ITPRID1: variants seen among roughly 807,000 people sequenced by gnomAD.
ITPRID1 encodes the protein ITPR interacting domain containing 1.
Under a neutral mutation model 95.4 loss-of-function variants are expected in ITPRID1, and 96 were observed. The observed-to-expected ratio is 1.01, with a 90% CI of 0.85 to 1.19. ITPRID1 has a LOEUF of 1.19. Among genes scored for constraint, ITPRID1 ranks in the 50% most tolerant of loss-of-function variants. The pLI is 0.00. For synonymous variants in ITPRID1, 510 were observed against 453.6 expected, an observed-to-expected ratio of 1.12 and a Z score of -1.58; for missense variants, 1,339 against 1,252.9, an observed-to-expected ratio of 1.07 and a Z score of -1.04.
At chr7:31,594,115 C>T (rs1265205588) in intron 10 of ITPRID1, among the ~76,000 whole-genome samples, 1 of 152,132 alleles carries the variant, frequency 6.6e-6, no homozygotes, top group East Asian at 1.9e-4. Context: ...TTGCGATACC[C>T]AAATACTTAT....
intron 5 of ITPRID1, among the ~76,000 whole-genome samples, chr7:31,565,525 C>T (rs1487982422): frequency 6.6e-6 from 1 of 152,136 alleles, no homozygotes; most frequent in Non-Finnish European, 1.5e-5. Flanking sequence ...AGCTTGAGGT[C>T]AGGAGTTCAA....
intron 10 of ITPRID1, among the ~76,000 whole-genome samples, chr7:31,630,585 T>C (rs1400971072): frequency 6.6e-6 from 1 of 152,198 alleles, no homozygotes; most frequent in Non-Finnish European, 1.5e-5. Context: ...TGATGCCTAC[T>C]TTCAGAACAA....
In ITPRID1 at chr7:31,577,874, C is replaced by G; in HGVS notation, c.610C>G (p.Gln204Glu). The change falls in exon 9 of 15, where the codon CAG (glutamine) becomes GAG (glutamate). Residue 204 changes from glutamine (Q) to glutamate (E), a missense_variant. By Grantham distance (29) the Gln-to-Glu change is conservative. Coordinates refer to ENST00000615280, the MANE Select transcript of ITPRID1 (RefSeq NM_001257967.3). ...ENPNLYGRFR[Q>E]LEILDHVTNA... ...CTTGTGTTGTGCAGGTCGTTTCCGACAGCTGGAAATCCTGGACCATGTGAC... is the reference window on the plus strand; with the variant it reads ...CTTGTGTTGTGCAGGTCGTTTCCGAGAGCTGGAAATCCTGGACCATGTGAC... The G allele has an allele frequency of 6.3e-7, 1 of 1,592,196 alleles. No homozygotes were observed.
At chr7:31,540,004 T>A (rs1260887145) in intron 1 of ITPRID1, among the ~76,000 whole-genome samples, 1 of 152,168 alleles carries the variant, frequency 6.6e-6, no homozygotes, top group Non-Finnish European at 1.5e-5. Context: ...TTTAGGCAGT[T>A]TTTTATCGAG....
At chr7:31,593,657 C>T (rs12701126) in intron 10 of ITPRID1, among the ~76,000 whole-genome samples, 57,258 of 151,990 alleles carry the variant, frequency 0.38, 12,108 homozygotes, top group East Asian at 0.52. Context: ...TGTGACCTGA[C>T]GATACCTCAA....
At chr7:31,575,961 T>C (rs747947315) in intron 8 of ITPRID1, among the ~76,000 whole-genome samples, 1 of 152,184 alleles carries the variant, frequency 6.6e-6, no homozygotes, top group Non-Finnish European at 1.5e-5. Context: ...ACTCAATTCA[T>C]GTTGTTCCTT....
rs769555214 is a variant in ITPRID1 at position 31,577,894 on chromosome 7, T to C, written c.630T>C (p.His210=). 6 of 1,609,474 alleles carry C rather than the reference T, an allele frequency of 3.7e-6. No homozygotes were observed. The highest frequency in any genetic ancestry group is 5.1e-6 in the Non-Finnish European group (6 of 1,177,584). Residue 210 remains histidine (H), a synonymous_variant, in exon 9 of 15, where the codon CAT becomes CAC. Transcript: ENST00000615280. ...GRFRQLEILD[H]VTNAFSSLLS... is the part of the protein sequence containing the mutation. ...TCCGACAGCTGGAAATCCTGGACCATGTGACCAATGCCTTCTCATCTCTGC... is the reference window on the plus strand; with the variant it reads ...TCCGACAGCTGGAAATCCTGGACCACGTGACCAATGCCTTCTCATCTCTGC...
chr7:31,526,776 C>G (rs1032197277), intron 1 of ITPRID1, among the ~76,000 whole-genome samples: 1 of 152,152 alleles, frequency 6.6e-6, no homozygotes, highest in East Asian at 1.9e-4. Context: ...ACTCACTTAT[C>G]TACATTTCTA....
chr7:31,526,720 G>A (rs1025822475), intron 1 of ITPRID1, among the ~76,000 whole-genome samples: 11 of 152,002 alleles, frequency 7.2e-5, no homozygotes, highest in African/African-American at 2.7e-4. Context: ...ACAGCAATCA[G>A]TCCGTAAGAC....
Position 31,643,622 on chromosome 7 carries a change from G to T in ITPRID1, c.2252G>T (p.Gly751Val), listed in dbSNP as rs766684066. 76 of 1,613,848 alleles carry T rather than the reference G, an allele frequency of 4.7e-5. 1 individual carries two copies. Among genetic ancestry groups the T allele is most frequent in the Non-Finnish European group, 6.2e-5 (73 of 1,179,892 alleles). ...DPVTATETRL[G>V]TKARQLNDAS... ...GTTACCGCAACAGAAACAAGACTGGGGACAAAAGCAAGACAGTTAAATGAT... is the reference window on the plus strand; with the variant it reads ...GTTACCGCAACAGAAACAAGACTGGTGACAAAAGCAAGACAGTTAAATGAT... The change falls in exon 12 of 15, where the codon GGG (glycine) becomes GTG (valine). Residue 751 changes from glycine (G) to valine (V), a missense_variant. By Grantham distance (109) the Gly-to-Val change is moderately radical. Transcript: ENST00000615280.
intron 12 of ITPRID1, among the ~76,000 whole-genome samples, chr7:31,650,756 C>T (rs113052844): frequency 0.011 from 1,606 of 152,278 alleles, 11 homozygotes; most frequent in Middle Eastern, 0.024. Flanking sequence ...CAGAGTGAGG[C>T]AGTACCCAGC....
At chr7:31,515,774 G>A (rs1391128227) in intron 1 of ITPRID1, among the ~76,000 whole-genome samples, 1 of 152,122 alleles carries the variant, frequency 6.6e-6, no homozygotes, top group Non-Finnish European at 1.5e-5. Flanking sequence ...TGTTTGCAAT[G>A]AGCCAAAATG....
intron 7 of ITPRID1, among the ~76,000 whole-genome samples, chr7:31,574,066 C>T (rs1302936282): frequency 1.3e-5 from 2 of 152,080 alleles, no homozygotes; most frequent in African/African-American, 2.4e-5. Flanking sequence ...TGGTAGTCTG[C>T]ATTTAATGAT....
intron 1 of ITPRID1, among the ~76,000 whole-genome samples, chr7:31,525,444 A>G (rs1271372212): frequency 6.6e-6 from 1 of 152,200 alleles, no homozygotes; most frequent in African/African-American, 2.4e-5. Flanking sequence ...ACATTGCCAA[A>G]GGTCCCCTTG....
chr7:31,578,167 A>C lies in ITPRID1; in HGVS notation c.903A>C (p.Ser301=). 2 of 1,613,788 alleles carry C rather than the reference A, an allele frequency of 1.2e-6. No individual in the cohort carries two copies. Among genetic ancestry groups the C allele is most frequent in the Non-Finnish European group, 1.7e-6 (2 of 1,179,814 alleles). ...GTGGAGCAGAGCTAGCAGCAACCTC[A>C]ATCAACCACAAGCAAAATCATTTGT... The part of the protein sequence containing the change: ...WDCGAELAAT[S]INHKQNHLSL... Residue 301 remains serine (S), a synonymous_variant, in exon 9 of 15, where the codon TCA becomes TCC. Coordinates refer to ENST00000615280, the MANE Select transcript of ITPRID1 (RefSeq NM_001257967.3).
intron 10 of ITPRID1, among the ~76,000 whole-genome samples, chr7:31,618,834 G>T (rs551875946): frequency 6.6e-6 from 1 of 152,140 alleles, no homozygotes; most frequent in Non-Finnish European, 1.5e-5. Flanking sequence ...ATTATATGCC[G>T]CAAATATAAG....
At chr7:31,529,996 T>C (rs1444619322) in intron 1 of ITPRID1, among the ~76,000 whole-genome samples, 1 of 152,136 alleles carries the variant, frequency 6.6e-6, no homozygotes, top group Admixed American at 6.6e-5. Context: ...AGAAAAACTA[T>C]TAGCAAGAAG....
chr7:31,613,282 C>CT (rs953845041), intron 10 of ITPRID1, among the ~76,000 whole-genome samples: 5 of 152,060 alleles, frequency 3.3e-5, no homozygotes, highest in African/African-American at 1.2e-4. Context: ...ATAGTCAACT[C>CT]TTTTTTTCTC....
At chr7:31,552,060 T>C (rs1784300165) in intron 2 of ITPRID1, 5 of 332,562 alleles carry the variant, frequency 1.5e-5, no homozygotes, top group African/African-American at 4.2e-5. Context: ...CTTGTTCTCA[T>C]GGTGCTTATA....
Sources: allele counts gnomAD v4.1 joint callset (sites outside exome capture counted in the v4.1 genomes callset), GRCh38; gene constraint gnomAD v4.1.1; transcripts MANE v1.5; gene names NCBI Gene and HGNC (gene_info 2026-07-23, HGNC 2026-07-21).